MYO1E: variants seen among roughly 807,000 people sequenced by gnomAD.
MYO1E encodes the protein myosin IE.
MYO1E carries 68 observed loss-of-function variants against 151.1 expected under a neutral mutation model. That is an observed-to-expected ratio of 0.45 (90% confidence interval 0.37 to 0.55). The LOEUF is 0.55. Ranked by LOEUF, MYO1E falls within the 20% of genes least tolerant of loss-of-function variation. The probability of loss-of-function intolerance (pLI) is 0.00; values close to 1 mark genes in which losing one functional copy is unlikely to be tolerated. For synonymous variants in MYO1E, 601 were observed against 501.7 expected, an observed-to-expected ratio of 1.20 and a Z score of -2.64; for missense variants, 1,363 against 1,389.3, an observed-to-expected ratio of 0.98 and a Z score of 0.30.
intron 1 of MYO1E, chr15:59,359,607 C>T (rs1270264334): frequency 1.3e-5 from 2 of 152,562 alleles, no homozygotes; most frequent in African/African-American, 4.8e-5. Context: ...ACAGCAAGAC[C>T]TCATCTCTAA....
intron 14 of MYO1E, chr15:59,206,720 G>A (rs1336645320): frequency 1.8e-6 from 1 of 550,202 alleles, no homozygotes; most frequent in African/African-American, 1.9e-5. Context: ...GAAATCACTT[G>A]CTAGAGAAGC....
At chr15:59,339,554 T>C (rs67498027) in intron 1 of MYO1E, among the ~76,000 whole-genome samples, 21,133 of 152,172 alleles carry the variant, frequency 0.14, 1,662 homozygotes, top group East Asian at 0.29. Flanking sequence ...AAAGGGCAGC[T>C]CTGGGCATGT....
rs1047778374 is a variant in MYO1E, at chr15:59,235,190, G to A, written c.420+1395C>T. On this transcript the variant is annotated intron_variant, in intron 5 of 27. Coordinates refer to ENST00000288235, the MANE Select transcript of MYO1E (RefSeq NM_004998.4). ...TCTCTTAAATCCTTTCTCTGTCTACGTCCTTTAAAATTTTTATAAGTTTCT... is the reference window on the plus strand; with the variant it reads ...TCTCTTAAATCCTTTCTCTGTCTACATCCTTTAAAATTTTTATAAGTTTCT... Among the ~76,000 whole-genome samples the A allele has an allele frequency of 1.2e-4, 18 of 150,930 alleles. No homozygotes were observed. In the East Asian group the frequency reaches 1.9e-3, roughly 16 times the overall value.
chr15:59,233,973 T>G (rs2080044947), intron 5 of MYO1E, among the ~76,000 whole-genome samples: 1 of 152,206 alleles, frequency 6.6e-6, no homozygotes, highest in South Asian at 2.1e-4. Flanking sequence ...TAATACTGTT[T>G]TAAAAAGTAA....
chr15:59,333,757 T>C (rs1386477172), intron 1 of MYO1E, among the ~76,000 whole-genome samples: 1 of 152,218 alleles, frequency 6.6e-6, no homozygotes, highest in Admixed American at 6.5e-5. Flanking sequence ...TTTATTCCTA[T>C]GTTTATAGTT....
At chr15:59,240,454 G>A (rs147742131) in intron 4 of MYO1E, among the ~76,000 whole-genome samples, 1 of 152,182 alleles carries the variant, frequency 6.6e-6, no homozygotes. Flanking sequence ...TGGAAAGAAT[G>A]TTCTGGGGAA....
At chr15:59,256,822 A>AT (rs1329073606) in intron 3 of MYO1E, among the ~76,000 whole-genome samples, 2 of 152,098 alleles carry the variant, frequency 1.3e-5, no homozygotes, top group Non-Finnish European at 2.9e-5. Flanking sequence ...CTCTTACATA[A>AT]TTTTTTCTAA....
At chr15:59,156,360 T>TTTTTAGTA (rs1425794767) in intron 25 of MYO1E, among the ~76,000 whole-genome samples, 15 of 152,140 alleles carry the variant, frequency 9.9e-5, no homozygotes, top group African/African-American at 3.4e-4. Flanking sequence ...AATTTTTGTA[T>TTTTTAGTA]TTTTAGTAGA....
intron 1 of MYO1E, among the ~76,000 whole-genome samples, chr15:59,337,739 G>GGAGAATC (rs763771247): frequency 6.6e-6 from 1 of 152,198 alleles, no homozygotes; most frequent in African/African-American, 2.4e-5. Flanking sequence ...GGCTGAGGCA[G>GGAGAATC]GAGAATCGCT....
chr15:59,161,190 T>A lies in MYO1E; in HGVS notation c.2668A>T (p.Ser890Cys). 1 of 1,613,928 alleles carries A rather than the reference T, an allele frequency of 6.2e-7. No individual in the cohort carries two copies. Among genetic ancestry groups the A allele is most frequent in the Non-Finnish European group, 8.5e-7 (1 of 1,179,876 alleles). The change falls in exon 24 of 28, where the codon AGT becomes TGT. Residue 890 changes from serine (S) to cysteine (C), a missense_variant. By Grantham distance (112) the Ser-to-Cys change is moderately radical. Coordinates refer to ENST00000288235, the MANE Select transcript of MYO1E (RefSeq NM_004998.4). ...KLKKENWGPWSAGGSRQVQFH... is the reference protein window; with the variant it reads ...KLKKENWGPWCAGGSRQVQFH... ...TGCACTTGCCGGGAGCCCCCTGCAC[T>A]CCAGGGGCCCCAGTTTTCCTTTTTC...
At position 59,202,341 on chromosome 15, in the gene MYO1E, G is replaced by A. The variant is rs148650555; in HGVS notation, c.1683C>T (p.Ala561=). 1.7e-4 allele frequency: 282 copies of A among 1,613,792 alleles called. 1 individual carries two copies. The East Asian group carries it at 3.6e-3, about 20-fold the overall frequency. Residue 561 remains alanine, a synonymous_variant, in exon 16 of 28, where the codon GCC becomes GCT. Coordinates refer to ENST00000288235, the MANE Select transcript of MYO1E (RefSeq NM_004998.4). ...TAGAACTAACCTTTATTTTGCTTCC[G>A]GCAGTAGTTGGGCGCCCTTTCTTGT... ...QADKKGRPTT[A]GSKIKKQAND...
intron 9 of MYO1E, among the ~76,000 whole-genome samples, chr15:59,222,094 C>G (rs2079959731): frequency 6.6e-6 from 1 of 152,178 alleles, no homozygotes; most frequent in South Asian, 2.1e-4. Context: ...AAACATAATT[C>G]ATCTTTTTCT....
At chr15:59,299,881 T>A (rs564419401) in intron 1 of MYO1E, among the ~76,000 whole-genome samples, 1 of 152,316 alleles carries the variant, frequency 6.6e-6, no homozygotes, top group Non-Finnish European at 1.5e-5. Context: ...TCCCTAACAA[T>A]TTTCCACTCA....
At chr15:59,147,130 T>A (rs1182708544) in intron 26 of MYO1E, among the ~76,000 whole-genome samples, 1 of 151,836 alleles carries the variant, frequency 6.6e-6, no homozygotes. Context: ...GACATTTGAG[T>A]CCTCATGGAT....
rs1170821965 is a variant in MYO1E at position 59,172,554 on chromosome 15, G to T, written c.2335-512C>A. The stretch of plus-strand genomic sequence containing the variant: ...ATTATTAGGATGACATGTAAAAAAT[G>T]ATGACATTTGACTCTTTTTGACTTA... On this transcript the variant is annotated intron_variant, in intron 21 of 27. Transcript: ENST00000288235. Among the ~76,000 whole-genome samples the T allele has an allele frequency of 5.3e-5, 8 of 152,298 alleles. 1 individual carries two copies. In the East Asian group the frequency reaches 1.4e-3, roughly 26 times the overall value.
chr15:59,232,556 T>A (rs375090177), intron 5 of MYO1E, among the ~76,000 whole-genome samples: 2 of 152,358 alleles, frequency 1.3e-5, no homozygotes, highest in South Asian at 4.1e-4. Context: ...GACAGCTCAA[T>A]AGATAGAATT....
chr15:59,327,052 G>A (rs901504336), intron 1 of MYO1E, among the ~76,000 whole-genome samples: 1 of 152,186 alleles, frequency 6.6e-6, no homozygotes, highest in African/African-American at 2.4e-5. Context: ...GGGGCTTTTC[G>A]GGTGGGGTCG....
intron 14 of MYO1E, chr15:59,207,450 T>G: frequency 6.2e-7 from 1 of 1,614,046 alleles, no homozygotes; most frequent in South Asian, 1.1e-5. Context: ...AGTTAATGAT[T>G]TCCAGTATTG....
At chr15:59,318,588 G>A (rs1271744524) in intron 1 of MYO1E, among the ~76,000 whole-genome samples, 2 of 152,208 alleles carry the variant, frequency 1.3e-5, no homozygotes. Flanking sequence ...TGCATTGCCA[G>A]TCATAGACAT....
Sources: gnomAD v4.1 joint callset for allele counts (sites outside exome capture counted in the v4.1 genomes callset) on GRCh38, gnomAD v4.1.1 for gene constraint, MANE v1.5 for transcripts, NCBI Gene and HGNC (gene_info 2026-07-23, HGNC 2026-07-21) for gene names.